OSBPL9: variants seen among roughly 807,000 people sequenced by gnomAD.
OSBPL9 encodes the protein oxysterol-binding protein-related protein 9.
Under a neutral mutation model 106.6 loss-of-function variants are expected in OSBPL9, and 40 were observed. The observed-to-expected ratio is 0.38, with a 90% CI of 0.29 to 0.49. OSBPL9 has a LOEUF of 0.49. Among genes scored for constraint, OSBPL9 ranks in the 20% least tolerant of loss-of-function variants. OSBPL9 has a pLI of 0.97. For synonymous variants in OSBPL9, 269 were observed against 295.4 expected (o/e 0.91, Z 0.92); for missense variants, 609 against 887.2 (o/e 0.69, Z 3.98).
chr1:51,785,595 C>G, intron 20 of OSBPL9: 2 of 544,726 alleles, frequency 3.7e-6, no homozygotes, highest in Non-Finnish European at 6.5e-6. Flanking sequence ...TTGCCCAAAC[C>G]CACCATTCTT....
chr1:51,590,049 AAAAAG>A (rs1301392626), intron 1 of OSBPL9, among the ~76,000 whole-genome samples: 2 of 148,702 alleles, frequency 1.3e-5, no homozygotes, highest in Non-Finnish European at 3.0e-5. Flanking sequence ...AAAAAAAAAA[AAAAAG>A]AGAGAGGTAG....
intron 3 of OSBPL9, among the ~76,000 whole-genome samples, chr1:51,687,535 A>T (rs1287855789): frequency 6.6e-6 from 1 of 152,200 alleles, no homozygotes; most frequent in Non-Finnish European, 1.5e-5. Context: ...TTGAAGGATG[A>T]AATAGAGGTG....
At chr1:51,559,440 T>TACATAC in the OSBPL9 span, among the ~76,000 whole-genome samples, 2 of 147,536 alleles carry the variant, frequency 1.4e-5, no homozygotes, top group African/African-American at 5.0e-5. Context: ...CACACATACA[T>TACATAC]ACACACACAC....
At chr1:51,670,738 C>A (rs554781664) in intron 3 of OSBPL9, among the ~76,000 whole-genome samples, 51 of 152,326 alleles carry the variant, frequency 3.3e-4, no homozygotes, top group Non-Finnish European at 6.3e-4. Context: ...CTATATTTAA[C>A]TTCATAAAAC....
chr1:51,746,865 T>G, intron 6 of OSBPL9, 108 bp downstream of exon 6: 1 of 834,238 alleles, frequency 1.2e-6, no homozygotes. Context: ...ATTATTGACC[T>G]AGTGTAATAT....
chr1:51,734,759 T>C (rs780262027), intron 4 of OSBPL9, among the ~76,000 whole-genome samples: 2 of 152,168 alleles, frequency 1.3e-5, no homozygotes, highest in Non-Finnish European at 2.9e-5. Context: ...CCTAGATGAC[T>C]CTTGCTCTTT....
At chr1:51,600,508 T>C (rs1401128349) in intron 2 of OSBPL9, among the ~76,000 whole-genome samples, 1 of 148,360 alleles carries the variant, frequency 6.7e-6, no homozygotes, top group Non-Finnish European at 1.5e-5. Context: ...CATTATTATA[T>C]ATTCATTATT....
chr1:51,521,513 G>A, the OSBPL9 span, among the ~76,000 whole-genome samples: 2 of 152,142 alleles, frequency 1.3e-5, no homozygotes, highest in Non-Finnish European at 2.9e-5. Context: ...TTGAGCTTCA[G>A]TTTCTCATAC....
chr1:51,690,837 G>A (rs1557694367), intron 3 of OSBPL9, among the ~76,000 whole-genome samples: 1 of 152,216 alleles, frequency 6.6e-6, no homozygotes, highest in Non-Finnish European at 1.5e-5. Context: ...TCATTAGACA[G>A]TTTCATCATT....
chr1:51,690,524 T>TA (rs1654741424), intron 3 of OSBPL9, among the ~76,000 whole-genome samples: 2 of 152,248 alleles, frequency 1.3e-5, no homozygotes, highest in Non-Finnish European at 2.9e-5. Flanking sequence ...GTGGCAGCTT[T>TA]AAAAGGATCA....
intron 12 of OSBPL9, among the ~76,000 whole-genome samples, chr1:51,767,069 ACT>A (rs1033969525): frequency 1.3e-5 from 2 of 150,742 alleles, no homozygotes; most frequent in Admixed American, 1.3e-4. Context: ...ACAGAGCAAG[ACT>A]CTGTTTCCAA....
chr1:51,673,978 T>C (rs1481608776), intron 3 of OSBPL9, among the ~76,000 whole-genome samples: 2 of 151,866 alleles, frequency 1.3e-5, no homozygotes, highest in Non-Finnish European at 2.9e-5. Flanking sequence ...TGCTCTTGGC[T>C]TGGCTTACTG....
At chr1:51,707,308 G>A (rs142927391) in intron 3 of OSBPL9, 147 of 205,408 alleles carry the variant, frequency 7.2e-4, no homozygotes, top group Non-Finnish European at 1.3e-3. Flanking sequence ...GGAGACACCC[G>A]GGTGTTCAGT....
chr1:51,593,782 A>C (rs1645287590), intron 1 of OSBPL9, among the ~76,000 whole-genome samples: 1 of 151,970 alleles, frequency 6.6e-6, no homozygotes, highest in South Asian at 2.1e-4. Context: ...TGGGAATTTG[A>C]GTCTCAGAAA....
chr1:51,574,678 A>C (rs1179649380), upstream of OSBPL9, among the ~76,000 whole-genome samples: 6 of 152,298 alleles, frequency 3.9e-5, no homozygotes, highest in East Asian at 1.2e-3. Flanking sequence ...AGACAAAAAC[A>C]AAAACAAAAG....
chr1:51,539,018 C>A, the OSBPL9 span, among the ~76,000 whole-genome samples: 3 of 152,300 alleles, frequency 2.0e-5, no homozygotes, highest in South Asian at 6.2e-4. Context: ...TCTCTGCAGA[C>A]TCTCTTCCTA....
intron 3 of OSBPL9, among the ~76,000 whole-genome samples, chr1:51,675,089 T>C (rs541856604): frequency 2.6e-5 from 4 of 152,326 alleles, no homozygotes; most frequent in Non-Finnish European, 5.9e-5. Flanking sequence ...GGCTTTACCA[T>C]CTAGGTTCAT....
At chr1:51,765,741 A>G in intron 11 of OSBPL9, 81 bp from the exon 12 acceptor site, 1 of 1,296,078 alleles carries the variant, frequency 7.7e-7, no homozygotes, top group Non-Finnish European at 1.0e-6. Flanking sequence ...TTTTGATTTT[A>G]GAAAAGTCTG....
chr1:51,651,897 C>A, intron 1 of OSBPL9, 94 bp from the exon 2 acceptor site: 1 of 950,594 alleles, frequency 1.1e-6, no homozygotes, highest in Non-Finnish European at 1.7e-6. Flanking sequence ...ATGGGTATTA[C>A]TGTAAATCTT....
Sources: gnomAD v4.1 joint callset for allele counts (sites outside exome capture counted in the v4.1 genomes callset) on GRCh38, gnomAD v4.1.1 for gene constraint, MANE v1.5 for transcripts, NCBI Gene and HGNC (gene_info 2026-07-23, HGNC 2026-07-21) for gene names.